Variants in NUSAP1 observed in about 807,000 individuals in gnomAD.
NUSAP1 encodes nucleolar and spindle associated protein 1, also known as nucleolar and spindle-associated protein 1.
A neutral mutation model predicts 52.8 loss-of-function variants in NUSAP1; 32 were observed. That is an observed-to-expected ratio of 0.61 (90% CI 0.46 to 0.81). The LOEUF is 0.81. Among genes scored for constraint, NUSAP1 ranks in the 40% least tolerant of loss-of-function variants. The pLI is 0.00. For missense variants in NUSAP1, 499 were observed against 522.3 expected (o/e 0.96, Z 0.43); for synonymous variants, 195 against 183.1 (o/e 1.06, Z -0.52).
At chr15:41,370,053 T>C (rs2049602119) in intron 7 of NUSAP1, among the ~76,000 whole-genome samples, 2 of 147,046 alleles carry the variant, frequency 1.4e-5, no homozygotes, top group South Asian at 4.3e-4. Context: ...TGGGTAACAG[T>C]GCGAGACTCC....
At position 41,333,008 on chromosome 15, in the gene NUSAP1, G is replaced by A. The variant is rs1455151423; in HGVS notation, c.51G>A (p.Leu17=). The stretch of plus-strand genomic sequence containing the variant: ...TGGACTCCCTCAAGTACAGTGACCT[G>A]CAGAACTTAGCCAAGAGTCTGGGTC... ...EELDSLKYSD[L]QNLAKSLGLR... Residue 17 remains leucine, a synonymous_variant, in exon 1 of 11, where the codon CTG becomes CTA. Coordinates refer to ENST00000559596, the MANE Select transcript of NUSAP1 (RefSeq NM_016359.5). 6.2e-7 allele frequency: 1 copy of A among 1,612,024 alleles called. No homozygotes were observed. The highest frequency in any genetic ancestry group is 1.7e-5 in the Admixed American group (1 of 59,712).
At chr15:41,346,036 CTT>C (rs796521976) in intron 2 of NUSAP1, among the ~76,000 whole-genome samples, 1 of 146,172 alleles carries the variant, frequency 6.8e-6, no homozygotes. Flanking sequence ...GCCTTTTATT[CTT>C]TTTTTTTTTG....
Position 41,371,643 on chromosome 15 carries a change from G to A in NUSAP1, c.965G>A (p.Gly322Glu). Residue 322 changes from glycine (G) to glutamate (E), a missense_variant, in exon 8 of 11, where the codon GGG (glycine) becomes GAG (glutamate). Transcript: ENST00000559596. ...GGTPKGEAVL[G>E]THKLKTITGN... Reference sequence around the variant, plus strand: ...ACCCCAAAAGGCGAGGCTGTGCTTGGGACACACAAATTAAAGACCATCACG... The same window carrying A: ...ACCCCAAAAGGCGAGGCTGTGCTTGAGACACACAAATTAAAGACCATCACG... 6.3e-7 allele frequency: 1 copy of A among 1,598,384 alleles called. No homozygotes were observed. Among genetic ancestry groups the A allele is most frequent in the Non-Finnish European group, 8.5e-7 (1 of 1,176,066 alleles).
At position 41,359,095 on chromosome 15, in the gene NUSAP1, C is replaced by T. The variant is rs2049077319; in HGVS notation, c.660+837C>T. ...TTGGTATCTGGTGTTAAGGCAGTGC[C>T]GAATGGAGGGCAGGAAACACATTTT... is the stretch of plus-strand genomic sequence containing the variant. On this transcript the variant is annotated intron_variant, in intron 6 of 10. Coordinates refer to ENST00000559596, the MANE Select transcript of NUSAP1 (RefSeq NM_016359.5). 3.3e-5 allele frequency among the ~76,000 whole-genome samples: 5 copies of T among 152,162 alleles called. No individual in the cohort carries two copies. The South Asian group carries it at 8.3e-4, about 25-fold the overall frequency.
Position 41,375,812 on chromosome 15 carries a change from CTA to C in NUSAP1, c.1109_1110del (p.Tyr370Ter), listed in dbSNP as rs764729708. ...LKASLSRPLNYEPHKGKLKPW... is the reference protein window; with the variant it reads ...LKASLSRPLNXEPHKGKLKPW... The stretch of plus-strand genomic sequence containing the variant: ...AAGCAAGTTTGTCTCGTCCCCTCAA[CTA>C]TGAACCACACAAAGGTATGTGGGAG... On this transcript the variant is annotated frameshift_variant, in exon 9 of 11. Coordinates refer to ENST00000559596, the MANE Select transcript of NUSAP1 (RefSeq NM_016359.5). LOFTEE classifies it high-confidence loss of function. 15 of 1,609,058 alleles carry C rather than the reference CTA, an allele frequency of 9.3e-6. No homozygotes were observed. The highest frequency in any genetic ancestry group is 1.7e-5 in the Admixed American group (1 of 59,986).
At chr15:41,342,567 G>T (rs2048402909) in intron 2 of NUSAP1, 113 bp downstream of exon 2, 5 of 822,778 alleles carry the variant, frequency 6.1e-6, no homozygotes, top group Non-Finnish European at 9.7e-6. Flanking sequence ...GCCAGGTGTT[G>T]TGGCTCACGC....
At position 41,375,752 on chromosome 15, in the gene NUSAP1, T is replaced by A; in HGVS notation, c.1047T>A (p.Thr349=). The change falls in exon 9 of 11, where the codon ACT becomes ACA. Residue 349 remains threonine (T), a synonymous_variant. Transcript: ENST00000559596. Reference sequence around the variant, plus strand: ...AGTTGACAACTGAGGCAACGCAGACTCCAGTCTCCAATAAGAAACCAGTGT... The same window carrying A: ...AGTTGACAACTGAGGCAACGCAGACACCAGTCTCCAATAAGAAACCAGTGT... The part of the protein sequence containing the change: ...PFKLTTEATQ[T]PVSNKKPVFD... The A allele has an allele frequency of 6.2e-7, 1 of 1,613,914 alleles. No individual in the cohort carries two copies. The highest frequency in any genetic ancestry group is 8.5e-7 in the Non-Finnish European group (1 of 1,179,796).
chr15:41,350,539 T>C (rs112334517), intron 3 of NUSAP1, among the ~76,000 whole-genome samples: 1,732 of 152,236 alleles, frequency 0.011, 38 homozygotes, highest in African/African-American at 0.039. Flanking sequence ...CTTGGCTATT[T>C]GGACAGCGTT....
intron 1 of NUSAP1, among the ~76,000 whole-genome samples, chr15:41,334,235 C>T (rs2048033738): frequency 6.6e-6 from 1 of 152,188 alleles, no homozygotes; most frequent in African/African-American, 2.4e-5. Flanking sequence ...TCTCCTGCCT[C>T]AGCCTCCTGA....
At chr15:41,361,342 G>A (rs1216302836) in intron 6 of NUSAP1, among the ~76,000 whole-genome samples, 5 of 151,652 alleles carry the variant, frequency 3.3e-5, no homozygotes, top group African/African-American at 4.8e-5. Flanking sequence ...GCGGTGAGCC[G>A]AGACCATGCC....
chr15:41,356,673 G>A (rs2048986097), intron 5 of NUSAP1, among the ~76,000 whole-genome samples: 1 of 152,040 alleles, frequency 6.6e-6, no homozygotes, highest in Non-Finnish European at 1.5e-5. Context: ...ATTTCATCAG[G>A]TTGATAGATA....
At chr15:41,357,241 G>A (rs1036969142) in intron 5 of NUSAP1, among the ~76,000 whole-genome samples, 5 of 151,854 alleles carry the variant, frequency 3.3e-5, no homozygotes, top group African/African-American at 9.7e-5. Flanking sequence ...GGCGGCAGGT[G>A]CCTTTAACCC....
At chr15:41,371,475 C>G in intron 7 of NUSAP1, 52 bp from the exon 8 acceptor site, 2 of 1,450,048 alleles carry the variant, frequency 1.4e-6, no homozygotes, top group South Asian at 3.0e-5. Context: ...AAGCTAGACA[C>G]AAGTTACTCT....
At chr15:41,361,667 G>A (rs1030715226) in intron 6 of NUSAP1, among the ~76,000 whole-genome samples, 2 of 152,174 alleles carry the variant, frequency 1.3e-5, no homozygotes, top group East Asian at 1.9e-4. Context: ...AACCATAAAC[G>A]TTGAGTATTG....
intron 6 of NUSAP1, among the ~76,000 whole-genome samples, chr15:41,359,662 G>T (rs962491369): frequency 2.1e-5 from 3 of 144,888 alleles, no homozygotes; most frequent in Middle Eastern, 3.5e-3. Context: ...ACAGAGTTTC[G>T]CTCTTGTTGC....
At chr15:41,369,397 C>G (rs748551775) in intron 7 of NUSAP1, among the ~76,000 whole-genome samples, 5 of 151,060 alleles carry the variant, frequency 3.3e-5, no homozygotes, top group Non-Finnish European at 5.9e-5. Context: ...CCTGTAATCC[C>G]AGCACCTTGG....
chr15:41,353,768 A>G (rs922616648), intron 4 of NUSAP1, among the ~76,000 whole-genome samples: 11 of 152,216 alleles, frequency 7.2e-5, no homozygotes, highest in Non-Finnish European at 1.5e-4. Context: ...GCTCTATAGC[A>G]TATTATACGG....
At chr15:41,364,082 T>C (rs913019399) in intron 6 of NUSAP1, among the ~76,000 whole-genome samples, 2 of 152,130 alleles carry the variant, frequency 1.3e-5, no homozygotes, top group African/African-American at 4.8e-5. Flanking sequence ...TCCTCCTGCC[T>C]CAGCCTCCCA....
chr15:41,354,537 A>G (rs1016968214), intron 4 of NUSAP1, among the ~76,000 whole-genome samples: 2 of 151,832 alleles, frequency 1.3e-5, no homozygotes, highest in South Asian at 2.1e-4. Flanking sequence ...AAATAAGTAT[A>G]GGAAGCAGAG....
Sources: gnomAD v4.1 joint callset for allele counts (sites outside exome capture counted in the v4.1 genomes callset) on GRCh38, gnomAD v4.1.1 for gene constraint, MANE v1.5 for transcripts, NCBI Gene and HGNC (gene_info 2026-07-23, HGNC 2026-07-21) for gene names.